Variants in GRIK5 observed in about 807,000 individuals in gnomAD.
The protein encoded by GRIK5 is glutamate ionotropic receptor kainate type subunit 5.
GRIK5 carries 43 observed loss-of-function variants against 97.4 expected under a neutral mutation model. That is an observed-to-expected ratio of 0.44 (90% CI 0.35 to 0.57). GRIK5 has a LOEUF of 0.57. Ranked by LOEUF, GRIK5 falls within the 20% of genes least tolerant of loss-of-function variation. The pLI, the probability that GRIK5 is intolerant of heterozygous loss-of-function variation, is 0.01. For synonymous variants in GRIK5, 580 were observed against 583.5 expected (o/e 0.99, Z 0.09); for missense variants, 1,015 against 1,382.0 (o/e 0.73, Z 4.21).
intron 5 of GRIK5, among the ~76,000 whole-genome samples, chr19:42,061,071 G>A (rs966960617): frequency 2.6e-5 from 4 of 151,928 alleles, no homozygotes; most frequent in Non-Finnish European, 4.4e-5. Flanking sequence ...TTTTTGAGAC[G>A]GAGTCTCGCT....
rs1243564278 is a variant in GRIK5 at position 42,003,473 on chromosome 19, G to T, written c.2393-20C>A. On this transcript the variant is annotated intron_variant, in intron 18 of 19. Transcript: ENST00000593562. The surrounding 1 kb of genome is among the most constrained non-coding windows in gnomAD (Gnocchi z 4.2). Reference sequence around the variant, plus strand: ...CCAAACCTGGAGGGCGAAGGGAGTTGGGGGGCAAAGGGAGTTGGGGCTGTG... The same window carrying T: ...CCAAACCTGGAGGGCGAAGGGAGTTTGGGGGCAAAGGGAGTTGGGGCTGTG... 1.2e-6 allele frequency: 2 copies of T among 1,612,938 alleles called. No individual in the cohort carries two copies. The highest frequency in any genetic ancestry group is 1.7e-6 in the Non-Finnish European group (2 of 1,179,226).
chr19:42,054,761 C>T (rs2076161256), intron 8 of GRIK5, among the ~76,000 whole-genome samples: 2 of 152,280 alleles, frequency 1.3e-5, no homozygotes, highest in East Asian at 1.9e-4. Flanking sequence ...GCTGTGTCAC[C>T]TGCATGGGCA....
intron 15 of GRIK5, among the ~76,000 whole-genome samples, chr19:42,015,840 T>C (rs552380640): frequency 7.9e-5 from 12 of 152,238 alleles, no homozygotes; most frequent in Non-Finnish European, 1.5e-4. Flanking sequence ...CTGAGGGGCC[T>C]GAAGGCAGAG....
chr19:42,013,144 A>G (rs1181645331), intron 15 of GRIK5, among the ~76,000 whole-genome samples: 2 of 151,078 alleles, frequency 1.3e-5, no homozygotes, highest in Admixed American at 1.3e-4. Context: ...GCTTGAGGCC[A>G]GGAGTTCAAG....
rs35445622 is a variant in GRIK5, at chr19:42,028,269, T to TG, written c.1474-5916dup. ...TTGAATGACAAGTCACCTGTAATGATGGGGGGGGGGTGTCATCTAAATGCC... is the reference window on the plus strand; with the variant it reads ...TTGAATGACAAGTCACCTGTAATGATGGGGGGGGGGGTGTCATCTAAATGCC... On this transcript the variant is annotated intron_variant, in intron 12 of 19. Transcript: ENST00000593562. 3.8e-3 allele frequency among the ~76,000 whole-genome samples: 580 copies of TG among 150,844 alleles called. 2 individuals carry two copies. Among genetic ancestry groups the TG allele is most frequent in the Admixed American group, 7.9e-3 (119 of 15,096 alleles).
At chr19:42,061,977 C>T (rs1398631049) in intron 5 of GRIK5, among the ~76,000 whole-genome samples, 2 of 152,246 alleles carry the variant, frequency 1.3e-5, no homozygotes, top group Non-Finnish European at 2.9e-5. Flanking sequence ...AAGGGCTGTG[C>T]TCCCTGGGCC....
Position 42,065,180 on chromosome 19 carries a change from C to T in GRIK5, c.244+43G>A, listed in dbSNP as rs892308989. The T allele has an allele frequency of 3.2e-6, 5 of 1,558,130 alleles. No homozygotes were observed. In the African/African-American group the frequency reaches 5.4e-5, roughly 17 times the overall value. On this transcript the variant is annotated intron_variant, in intron 3 of 19. Coordinates refer to ENST00000593562, the MANE Select transcript of GRIK5 (RefSeq NM_002088.5). This position sits in a 1 kb window ranked among gnomAD's most constrained non-coding sequence, Gnocchi z 5.8. ...GGCAGAGGGATGGACTGAGGGCCAC[C>T]GACCTGCCCTGCCTCACCCCACGCC...
At position 42,021,809 on chromosome 19, in the gene GRIK5, A is replaced by C; in HGVS notation, c.1697+138T>G. Reference sequence around the variant, plus strand: ...GACTCAGACACAGGGCACAAAACTGAGAAAGGAGGGCACAGGGAATCCGAG... The same window carrying C: ...GACTCAGACACAGGGCACAAAACTGCGAAAGGAGGGCACAGGGAATCCGAG... On this transcript the variant is annotated intron_variant, in intron 14 of 19. Transcript: ENST00000593562. This position sits in a 1 kb window ranked among gnomAD's most constrained non-coding sequence, Gnocchi z 4.2. 3.1e-6 allele frequency: 2 copies of C among 635,180 alleles called. No homozygotes were observed. The highest frequency in any genetic ancestry group is 3.9e-5 in the South Asian group (2 of 51,248). 39.3% of individuals were successfully genotyped at this position (635,180 alleles called of 1,614,324 possible).
intron 12 of GRIK5, among the ~76,000 whole-genome samples, chr19:42,037,583 T>G (rs1172113212): frequency 6.6e-6 from 1 of 152,192 alleles, no homozygotes; most frequent in Non-Finnish European, 1.5e-5. Flanking sequence ...GTGGGAGCAC[T>G]GGGGACCTGA....
At position 42,002,552 on chromosome 19, in the gene GRIK5, G is replaced by A. The variant is rs1297998988; in HGVS notation, c.2514+780C>T. The A allele has an allele frequency of 4.4e-6, 3 of 680,626 alleles. No individual in the cohort carries two copies. Among genetic ancestry groups the A allele is most frequent in the African/African-American group, 1.8e-5 (1 of 56,414 alleles). 42.2% of individuals were successfully genotyped at this position (680,626 alleles called of 1,614,324 possible). A position where few individuals can be genotyped will look rare whatever the true frequency, so the allele number is the denominator to read the frequency against. On this transcript the variant is annotated intron_variant, in intron 19 of 19. Transcript: ENST00000593562. The surrounding 1 kb of genome is among the most constrained non-coding windows in gnomAD (Gnocchi z 5.2). ...GCTGGATGCAGAGCTGGGGTCTGGG[G>A]AGTAGATGTAAGGTCAGCCGCTGGA...
In GRIK5 at chr19:42,035,682, C is replaced by G. The variant is rs199837399; in HGVS notation, c.1473+6870G>C. Among the ~76,000 whole-genome samples the G allele has an allele frequency of 8.5e-5, 13 of 152,222 alleles. No homozygotes were observed. In the East Asian group the frequency reaches 2.5e-3, roughly 29 times the overall value. On this transcript the variant is annotated intron_variant, in intron 12 of 19. Transcript: ENST00000593562. ...CCAAGATCGTGCCACTGCACGCCAG[C>G]CTGGGGAACAGAGCCAGACTCTGTC... is the stretch of plus-strand genomic sequence containing the variant.
Position 42,062,448 on chromosome 19 carries a change from T to C in GRIK5, c.508+40A>G, listed in dbSNP as rs1264329264. ...ACACCAGATCTCTTGGGAAGGGGTG[T>C]CTGGGGGAACAGAAAACAAAACATT... On this transcript the variant is annotated intron_variant, in intron 5 of 19. Transcript: ENST00000593562. The surrounding 1 kb of genome is among the most constrained non-coding windows in gnomAD (Gnocchi z 5.3). 2 of 1,607,232 alleles carry C rather than the reference T, an allele frequency of 1.2e-6. No homozygotes were observed. The highest frequency in any genetic ancestry group is 4.5e-5 in the East Asian group (2 of 44,714).
chr19:42,014,516 C>T (rs2075602589), intron 15 of GRIK5, among the ~76,000 whole-genome samples: 1 of 152,192 alleles, frequency 6.6e-6, no homozygotes, highest in East Asian at 1.9e-4. Flanking sequence ...GGCATGGTGG[C>T]TCATGCCTGT....
chr19:42,003,509 G>A lies in GRIK5; in HGVS notation c.2392+46C>T, dbSNP rs1386755858. On this transcript the variant is annotated intron_variant, in intron 18 of 19. Transcript: ENST00000593562. The surrounding 1 kb of genome is among the most constrained non-coding windows in gnomAD (Gnocchi z 4.2). The stretch of plus-strand genomic sequence containing the variant: ...GGAGTTGGGGCTGTGTGGGAAGGGG[G>A]CTGGGAGGGGGCTATGGGAAGGGGA... The A allele has an allele frequency of 1.2e-6, 2 of 1,602,806 alleles. No individual in the cohort carries two copies. The highest frequency in any genetic ancestry group is 3.4e-5 in the Admixed American group (2 of 59,684).
Position 42,003,708 on chromosome 19 carries a change from A to C in GRIK5, c.2264-25T>G. 6.3e-7 allele frequency: 1 copy of C among 1,590,578 alleles called. No individual in the cohort carries two copies. The highest frequency in any genetic ancestry group is 8.6e-7 in the Non-Finnish European group (1 of 1,168,334). On this transcript the variant is annotated intron_variant, in intron 17 of 19. Coordinates refer to ENST00000593562, the MANE Select transcript of GRIK5 (RefSeq NM_002088.5). The surrounding 1 kb of genome is among the most constrained non-coding windows in gnomAD (Gnocchi z 4.2). Reference sequence around the variant, plus strand: ...CCTGGGCAGGCACACGAGGGGCTGGACCAGCCATCGGGCCCTGCAGCCCTG... The same window carrying C: ...CCTGGGCAGGCACACGAGGGGCTGGCCCAGCCATCGGGCCCTGCAGCCCTG...
chr19:42,012,957 C>T (rs1415714199), intron 15 of GRIK5, among the ~76,000 whole-genome samples: 5 of 151,772 alleles, frequency 3.3e-5, no homozygotes, highest in Non-Finnish European at 2.9e-5. Context: ...TTTATTGGAA[C>T]ACAGCCACAC....
In GRIK5 at chr19:42,054,301, C is replaced by G; in HGVS notation, c.1056+19G>C. ...GTGGCCGTGTCCTGCCTCCTCCACC[C>G]ATCCCCGCTCGGGCTCACCATGCGC... On this transcript the variant is annotated intron_variant, in intron 9 of 19. Coordinates refer to ENST00000593562, the MANE Select transcript of GRIK5 (RefSeq NM_002088.5). 6.3e-7 allele frequency: 1 copy of G among 1,597,330 alleles called. No individual in the cohort carries two copies. The highest frequency in any genetic ancestry group is 8.5e-7 in the Non-Finnish European group (1 of 1,169,864).
At chr19:42,035,478 GA>G (rs542822175) in intron 12 of GRIK5, among the ~76,000 whole-genome samples, 8 of 152,088 alleles carry the variant, frequency 5.3e-5, no homozygotes, top group South Asian at 4.2e-4. Context: ...AGGCCGAGGT[GA>G]GCAGATCACC....
At chr19:42,067,820 G>A (rs1354738208) in intron 1 of GRIK5, among the ~76,000 whole-genome samples, 1 of 152,208 alleles carries the variant, frequency 6.6e-6, no homozygotes, top group East Asian at 1.9e-4. Flanking sequence ...AGACAGCAAA[G>A]GAGACAGAGA....
Sources: allele counts gnomAD v4.1 joint callset (sites outside exome capture counted in the v4.1 genomes callset), GRCh38; gene constraint gnomAD v4.1.1; non-coding constraint Gnocchi (gnomAD v3.1); transcripts MANE v1.5; gene names NCBI Gene and HGNC (gene_info 2026-07-23, HGNC 2026-07-21).